The following ST6GAL1 variants were observed in gnomAD, a reference collection of about 807,000 sequenced individuals.
The protein encoded by ST6GAL1 is ST6 beta-galactoside alpha-2,6-sialyltransferase 1, also known as beta-galactoside alpha-2,6-sialyltransferase 1.
A neutral mutation model predicts 38.0 loss-of-function variants in ST6GAL1; 20 were observed. That is an observed-to-expected ratio of 0.53 (90% CI 0.37 to 0.77). The LOEUF is 0.77. Ranked by LOEUF, ST6GAL1 falls within the 30% of genes least tolerant of loss-of-function variation. ST6GAL1 has a pLI of 0.00. For synonymous variants in ST6GAL1, 196 were observed against 188.2 expected (o/e 1.04, Z -0.34); for missense variants, 432 against 496.4 (o/e 0.87, Z 1.23).
chr3:186,945,341 T>C lies in ST6GAL1; in HGVS notation c.-325+14507T>C, dbSNP rs868754220. Among the ~76,000 whole-genome samples the C allele has an allele frequency of 9.3e-5, 14 of 150,594 alleles. No individual in the cohort carries two copies. In the South Asian group the frequency reaches 1.3e-3, roughly 14 times the overall value. On this transcript the variant is annotated intron_variant, in intron 1 of 7. Coordinates refer to ENST00000169298, the MANE Select transcript of ST6GAL1 (RefSeq NM_173216.2). Reference sequence around the variant, plus strand: ...AAAAAAAAAAAAATTGTTTACAGAGTTCTGGGGCAAAGGCAATGGGACTGA... The same window carrying C: ...AAAAAAAAAAAAATTGTTTACAGAGCTCTGGGGCAAAGGCAATGGGACTGA...
At chr3:187,052,540 A>G (rs1244882542) in intron 5 of ST6GAL1, among the ~76,000 whole-genome samples, 1 of 152,128 alleles carries the variant, frequency 6.6e-6, no homozygotes, top group Non-Finnish European at 1.5e-5. Context: ...GAGTGAGAAC[A>G]TGCGGTGTTT....
intron 3 of ST6GAL1, among the ~76,000 whole-genome samples, chr3:187,039,190 G>A (rs546821793): frequency 6.6e-6 from 1 of 152,266 alleles, no homozygotes; most frequent in East Asian, 1.9e-4. Context: ...CGGGTGGGTC[G>A]GGACAGGATT....
chr3:187,012,931 G>T (rs1004011254), intron 2 of ST6GAL1, among the ~76,000 whole-genome samples: 1 of 152,210 alleles, frequency 6.6e-6, no homozygotes, highest in African/African-American at 2.4e-5. Context: ...CAGGCCGTGA[G>T]CACCTGCTCT....
chr3:187,050,548 G>GAGAT (rs1275775761), intron 4 of ST6GAL1, among the ~76,000 whole-genome samples: 8 of 144,462 alleles, frequency 5.5e-5, no homozygotes, highest in Non-Finnish European at 9.2e-5. Flanking sequence ...GAGAGAGAGA[G>GAGAT]AGAGAGAGAG....
At chr3:187,020,633 T>C (rs7634389) in intron 2 of ST6GAL1, among the ~76,000 whole-genome samples, 53,878 of 152,142 alleles carry the variant, frequency 0.35, 9,899 homozygotes, top group East Asian at 0.43. Context: ...TCCCTCTACT[T>C]GCAACCCTCT....
chr3:187,024,491 TATAGAGAG>T (rs1553827815), intron 2 of ST6GAL1, among the ~76,000 whole-genome samples: 13,488 of 105,020 alleles, frequency 0.13, 707 homozygotes, highest in South Asian at 0.17. Context: ...TATATATATA[TATAGAGAG>T]AGAGAGAGAG....
chr3:187,000,823 T>C (rs1005298645), intron 2 of ST6GAL1, among the ~76,000 whole-genome samples: 2 of 152,238 alleles, frequency 1.3e-5, no homozygotes, highest in African/African-American at 4.8e-5. Context: ...ACTTCTGTTT[T>C]CCCAGCCATG....
intron 2 of ST6GAL1, among the ~76,000 whole-genome samples, chr3:186,978,949 A>G (rs1307351365): frequency 6.6e-6 from 1 of 151,662 alleles, no homozygotes; most frequent in Admixed American, 6.6e-5. Flanking sequence ...ACCCAGGATG[A>G]ACTTTACCTT....
rs1362137280 is a variant in ST6GAL1 at position 186,952,991 on chromosome 3, C to A, written c.-324-10794C>A. 6.6e-6 allele frequency among the ~76,000 whole-genome samples: 1 copy of A among 152,168 alleles called. No individual in the cohort carries two copies. The highest frequency in any genetic ancestry group is 1.5e-5 in the Non-Finnish European group (1 of 68,026). ...TGCTGCACCCACTCTGTTAGCAAAC[C>A]ATGTCAGCTGTGCTTTCACAATAAA... On this transcript the variant is annotated intron_variant, in intron 1 of 7. Transcript: ENST00000169298. The surrounding 1 kb of genome is among the most constrained non-coding windows in gnomAD (Gnocchi z 4.1).
At chr3:187,040,899 G>A (rs945083078) in intron 3 of ST6GAL1, among the ~76,000 whole-genome samples, 1 of 152,210 alleles carries the variant, frequency 6.6e-6, no homozygotes, top group Admixed American at 6.5e-5. Context: ...GATGGTGGAA[G>A]CACTGCTTTG....
At chr3:186,943,117 A>G (rs1165793081) in intron 1 of ST6GAL1, among the ~76,000 whole-genome samples, 1 of 152,220 alleles carries the variant, frequency 6.6e-6, no homozygotes, top group Non-Finnish European at 1.5e-5. Flanking sequence ...GATAAATATT[A>G]TGATTTGGGT....
At chr3:187,006,630 G>A (rs563097514) in intron 2 of ST6GAL1, 5 of 152,284 alleles carry the variant, frequency 3.3e-5, no homozygotes, top group African/African-American at 1.2e-4. Context: ...TAATTTCATA[G>A]ATGAGGAAAC....
At chr3:186,973,113 G>A (rs11924808) in intron 2 of ST6GAL1, among the ~76,000 whole-genome samples, 4,706 of 152,238 alleles carry the variant, frequency 0.031, 245 homozygotes, top group African/African-American at 0.11. Context: ...TCAGCTCACT[G>A]CAACCTCCGC....
At chr3:186,988,906 C>T (rs927909784) in intron 2 of ST6GAL1, among the ~76,000 whole-genome samples, 2 of 151,888 alleles carry the variant, frequency 1.3e-5, no homozygotes, top group African/African-American at 4.8e-5. Flanking sequence ...AGAGCCAGAG[C>T]CAGACCCTGT....
chr3:187,021,578 A>G (rs1717302069), intron 2 of ST6GAL1, among the ~76,000 whole-genome samples: 1 of 151,846 alleles, frequency 6.6e-6, no homozygotes, highest in Non-Finnish European at 1.5e-5. Context: ...CGTCTCTACT[A>G]AAAATAGAAA....
At chr3:187,056,775 G>T (rs1718716702) in intron 5 of ST6GAL1, among the ~76,000 whole-genome samples, 1 of 152,098 alleles carries the variant, frequency 6.6e-6, no homozygotes. Context: ...TGACAATTAT[G>T]TGTCTTGGGG....
At chr3:187,048,475 C>A (rs573319830) in intron 4 of ST6GAL1, among the ~76,000 whole-genome samples, 150 of 152,314 alleles carry the variant, frequency 9.8e-4, no homozygotes, top group Non-Finnish European at 1.7e-3. Flanking sequence ...GTCTCAGCTC[C>A]AAGGCATTCC....
intron 2 of ST6GAL1, chr3:186,996,633 A>G (rs1248955481): frequency 3.3e-5 from 5 of 152,164 alleles, no homozygotes; most frequent in Non-Finnish European, 7.3e-5. Flanking sequence ...CAAAGGCAAG[A>G]AGGCAACGAC....
intron 2 of ST6GAL1, among the ~76,000 whole-genome samples, chr3:186,994,696 A>AG (rs1716303640): frequency 6.6e-6 from 1 of 152,148 alleles, no homozygotes; most frequent in Admixed American, 6.5e-5. Context: ...AGTGACTCAC[A>AG]CCTGTAATCT....
Sources: allele counts gnomAD v4.1 joint callset (sites outside exome capture counted in the v4.1 genomes callset), GRCh38; gene constraint gnomAD v4.1.1; non-coding constraint Gnocchi (gnomAD v3.1); transcripts MANE v1.5; gene names NCBI Gene and HGNC (gene_info 2026-07-23, HGNC 2026-07-21).